The following SHANK2 variants were observed in gnomAD, a reference collection of about 807,000 sequenced individuals.
SHANK2 encodes SH3 and multiple ankyrin repeat domains protein 2.
SHANK2 carries 43 observed loss-of-function variants against 133.7 expected under a neutral mutation model. The observed-to-expected ratio is 0.32, with a 90% CI of 0.25 to 0.41. The LOEUF (loss-of-function observed/expected upper bound fraction) is 0.41. SHANK2 is among the 10% of genes least tolerant of loss of function. The pLI, the probability that SHANK2 is intolerant of heterozygous loss-of-function variation, is 1.00. For missense variants in SHANK2, 1,994 were observed against 2,235.8 expected (o/e 0.89, Z 2.18); for synonymous variants, 1,017 against 952.8 (o/e 1.07, Z -1.24).
chr11:70,645,119 G>A (rs1323910053), intron 17 of SHANK2, among the ~76,000 whole-genome samples: 1 of 152,182 alleles, frequency 6.6e-6, no homozygotes, highest in Non-Finnish European at 1.5e-5. Context: ...GCTGAGGCAG[G>A]AGAATCGCTT....
At chr11:70,688,875 C>T (rs1459087504) in intron 15 of SHANK2, among the ~76,000 whole-genome samples, 4 of 152,228 alleles carry the variant, frequency 2.6e-5, no homozygotes, top group African/African-American at 9.6e-5. Context: ...CTGTGCAACT[C>T]ACTTCAAGAT....
chr11:70,526,993 C>A (rs1591538031), intron 17 of SHANK2, among the ~76,000 whole-genome samples: 1 of 152,158 alleles, frequency 6.6e-6, no homozygotes, highest in African/African-American at 2.4e-5. Context: ...TGGCTGCTGA[C>A]CAGACGCTCC....
At chr11:70,502,745 C>A (rs2059076515) in intron 18 of SHANK2, 51 bp downstream of exon 18, 4 of 883,704 alleles carry the variant, frequency 4.5e-6, no homozygotes, top group Non-Finnish European at 6.2e-6. Context: ...GCCCCCACCC[C>A]CCCCCCCCAG....
At chr11:70,701,034 G>A (rs1431068552) in intron 14 of SHANK2, among the ~76,000 whole-genome samples, 1 of 152,226 alleles carries the variant, frequency 6.6e-6, no homozygotes, top group Non-Finnish European at 1.5e-5. Context: ...CCCTCATGTG[G>A]CAGCTTTGTG....
intron 2 of SHANK2, among the ~76,000 whole-genome samples, chr11:71,219,594 C>CA (rs147008545): frequency 0.02 from 3,008 of 151,652 alleles, 177 homozygotes; most frequent in Admixed American, 0.12. Context: ...AAAACAAAAA[C>CA]AAAAAAAACA....
chr11:70,942,750 T>C, intron 10 of SHANK2: 1 of 456,206 alleles, frequency 2.2e-6, no homozygotes. Context: ...GCCCTCACCT[T>C]TTGCATTTCA....
intron 17 of SHANK2, among the ~76,000 whole-genome samples, chr11:70,591,524 C>G (rs1212862739): frequency 1.3e-5 from 2 of 149,650 alleles, no homozygotes; most frequent in East Asian, 4.0e-4. Flanking sequence ...GGAGATACAA[C>G]ATTTGCTTTT....
intron 11 of SHANK2, among the ~76,000 whole-genome samples, chr11:70,869,783 T>G (rs1320372274): frequency 3.3e-5 from 5 of 152,204 alleles, no homozygotes; most frequent in East Asian, 1.9e-4. Flanking sequence ...CATGGTGGTG[T>G]TGTTGGAAGA....
At chr11:71,222,539 C>G (rs958398441) in intron 2 of SHANK2, among the ~76,000 whole-genome samples, 1 of 152,230 alleles carries the variant, frequency 6.6e-6, no homozygotes, top group Non-Finnish European at 1.5e-5. Flanking sequence ...GCTGGCCGGA[C>G]GCAGGCGCCT....
Position 70,548,029 on chromosome 11 carries a change from G to A in SHANK2, c.2062-45098C>T, listed in dbSNP as rs578145961. On this transcript the variant is annotated intron_variant, in intron 17 of 25. Coordinates refer to ENST00000601538, the MANE Select transcript of SHANK2 (RefSeq NM_012309.5). ...GTGGCTGGCATCAGCATCCTGGCCT[G>A]GCCTGGTGCAGCCTTCTGGGCAAAG... is the stretch of plus-strand genomic sequence containing the variant. 3.9e-5 allele frequency among the ~76,000 whole-genome samples: 6 copies of A among 152,344 alleles called. No homozygotes were observed. The East Asian group carries it at 9.7e-4, about 25-fold the overall frequency.
chr11:71,240,980 G>C (rs1347183541), intron 1 of SHANK2: 2 of 152,238 alleles, frequency 1.3e-5, no homozygotes, highest in African/African-American at 4.8e-5. Context: ...GCATTAGACT[G>C]GTAAATATCA....
At chr11:70,876,542 G>A (rs1315030588) in intron 11 of SHANK2, among the ~76,000 whole-genome samples, 1 of 147,072 alleles carries the variant, frequency 6.8e-6, no homozygotes, top group Non-Finnish European at 1.5e-5. Flanking sequence ...CCTGGGTGAT[G>A]AGTGAGACTC....
intron 17 of SHANK2, among the ~76,000 whole-genome samples, chr11:70,632,297 T>G (rs1189654604): frequency 1.3e-5 from 2 of 152,064 alleles, no homozygotes; most frequent in African/African-American, 4.8e-5. Context: ...AATTTTTTTT[T>G]TGTATTTTTA....
In SHANK2 at chr11:70,891,210, C is replaced by T. The variant is rs782030435; in HGVS notation, c.1174+5291G>A. The stretch of plus-strand genomic sequence containing the variant: ...CTCAGTTGGTGGCAACAACCACCAA[C>T]GGAGTGGCTGAAAACCACCAGAGGC... On this transcript the variant is annotated intron_variant, in intron 11 of 25. Transcript: ENST00000601538. 2.0e-4 allele frequency among the ~76,000 whole-genome samples: 31 copies of T among 152,186 alleles called. No homozygotes were observed. In the East Asian group the frequency reaches 2.9e-3, roughly 14 times the overall value.
chr11:70,777,270 T>C (rs1555044117), intron 14 of SHANK2, among the ~76,000 whole-genome samples: 1 of 151,134 alleles, frequency 6.6e-6, no homozygotes, highest in Non-Finnish European at 1.5e-5. Context: ...CATCCATCCA[T>C]CCACTCACCC....
chr11:71,251,156 G>A (rs7126562), intron 1 of SHANK2, among the ~76,000 whole-genome samples: 48,716 of 148,098 alleles, frequency 0.33, 8,021 homozygotes, highest in East Asian at 0.45. Context: ...CAGGCGCCCC[G>A]AGCCCCTTTA....
chr11:71,079,801 GA>G (rs1439581039), intron 8 of SHANK2, among the ~76,000 whole-genome samples: 1 of 140,760 alleles, frequency 7.1e-6, no homozygotes, highest in Non-Finnish European at 1.5e-5. Context: ...AGAGAAGAGA[GA>G]GAGAGAAAGA....
rs782064436 is a variant in SHANK2 at position 70,485,838 on chromosome 11, G to C, written c.4455C>G (p.Ala1485=). ...CCTCCTCGATCCCAGAGTCGGCGAC[G>C]GCGTCAAAGCTTTCAGGGGGTGGCA... is the stretch of plus-strand genomic sequence containing the variant. The part of the protein sequence containing the change: ...SFLPPPESFD[A]VADSGIEEVD... The change falls in exon 25 of 26, where the codon GCC becomes GCG. Residue 1485 remains alanine (A), a synonymous_variant. Transcript: ENST00000601538. This position sits in a 1 kb window ranked among gnomAD's most constrained non-coding sequence, Gnocchi z 5.8. 2.5e-6 allele frequency: 4 copies of C among 1,613,984 alleles called. No homozygotes were observed. The highest frequency in any genetic ancestry group is 2.2e-5 in the South Asian group (2 of 91,074).
intron 17 of SHANK2, among the ~76,000 whole-genome samples, chr11:70,654,854 G>A (rs1291915388): frequency 1.3e-5 from 2 of 150,684 alleles, no homozygotes; most frequent in African/African-American, 2.5e-5. Context: ...GGCAACGTCC[G>A]CCTCCCGGGT....
Sources: gnomAD v4.1 joint callset for allele counts (sites outside exome capture counted in the v4.1 genomes callset) on GRCh38, gnomAD v4.1.1 for gene constraint, Gnocchi (gnomAD v3.1) non-coding constraint, MANE v1.5 for transcripts, NCBI Gene and HGNC (gene_info 2026-07-23, HGNC 2026-07-21) for gene names.